KIF13B: variants seen among roughly 807,000 people sequenced by gnomAD.
KIF13B encodes the protein kinesin-like protein KIF13B.
A neutral mutation model predicts 222.0 loss-of-function variants in KIF13B; 127 were observed. The ratio of observed to expected loss-of-function variants is 0.57; its 90% CI spans 0.50 to 0.66. KIF13B has a LOEUF of 0.66. KIF13B is among the 30% of genes least tolerant of loss of function. The pLI, the probability that KIF13B is intolerant of heterozygous loss-of-function variation, is 0.00. For synonymous variants in KIF13B, 976 were observed against 919.0 expected, an observed-to-expected ratio of 1.06 and a Z score of -1.12; for missense variants, 2,173 against 2,379.0, an observed-to-expected ratio of 0.91 and a Z score of 1.80.
In KIF13B at chr8:29,184,824, T is replaced by C. The variant is rs867957109; in HGVS notation, c.497+1468A>G. ...GGGCTGGATCTCAGAAAAGTGATGA[T>C]CTTTGCGAGGTCAAAGTCCAAGAAA... On this transcript the variant is annotated intron_variant, in intron 6 of 39. Coordinates refer to ENST00000524189, the MANE Select transcript of KIF13B (RefSeq NM_015254.4). Among the ~76,000 whole-genome samples the C allele has an allele frequency of 3.2e-4, 49 of 152,172 alleles. 1 individual carries two copies. The Middle Eastern group carries it at 0.031, about 95-fold the overall frequency.
chr8:29,081,690 T>C (rs761095513), intron 37 of KIF13B, among the ~76,000 whole-genome samples: 29 of 152,354 alleles, frequency 1.9e-4, no homozygotes, highest in Non-Finnish European at 3.7e-4. Flanking sequence ...ATCTGACCTG[T>C]ATTCTTTTTA....
At chr8:29,177,688 G>A (rs1294122572) in intron 8 of KIF13B, 110 bp from the exon 9 acceptor site, 4 of 749,674 alleles carry the variant, frequency 5.3e-6, no homozygotes, top group Non-Finnish European at 9.5e-6. Flanking sequence ...GATCACCTGA[G>A]CCCAGGATTT....
chr8:29,157,676 G>A (rs1475029308), intron 13 of KIF13B, among the ~76,000 whole-genome samples: 1 of 151,884 alleles, frequency 6.6e-6, no homozygotes, highest in Non-Finnish European at 1.5e-5. Context: ...CTGCACTCCA[G>A]CCTGGGCGAA....
At chr8:29,215,266 A>G (rs1348247965) in intron 2 of KIF13B, among the ~76,000 whole-genome samples, 1 of 152,152 alleles carries the variant, frequency 6.6e-6, no homozygotes, top group Non-Finnish European at 1.5e-5. Flanking sequence ...TACCTAACAA[A>G]CAAGCAAAAT....
chr8:29,203,998 G>C (rs1348746957), intron 2 of KIF13B, among the ~76,000 whole-genome samples: 1 of 151,962 alleles, frequency 6.6e-6, no homozygotes, highest in Non-Finnish European at 1.5e-5. Context: ...CCTAGAAAAG[G>C]AAGGTTGTTT....
intron 36 of KIF13B, 76 bp from the exon 37 acceptor site, chr8:29,092,954 C>A: frequency 7.7e-7 from 1 of 1,295,840 alleles, no homozygotes; most frequent in Non-Finnish European, 1.0e-6. Flanking sequence ...ATTTGACAGA[C>A]ATCACTTGTC....
Position 29,071,915 on chromosome 8 carries a change from C to A in KIF13B, c.4923G>T (p.Ala1641=). The change falls in exon 39 of 40, where the codon GCG becomes GCT. Residue 1641 remains alanine, a synonymous_variant. Coordinates refer to ENST00000524189, the MANE Select transcript of KIF13B (RefSeq NM_015254.4). This position sits in a 1 kb window ranked among gnomAD's most constrained non-coding sequence, Gnocchi z 4.9. ...TCCGGACGCGGAACGGGGAGCCGGG[C>A]GCCGGGGCCTCGAGGTCGGGGCGCT... ...GRERPDLEAP[A]PGSPFRVRRV... is the part of the protein sequence containing the mutation. 2 of 1,443,754 alleles carry A rather than the reference C, an allele frequency of 1.4e-6. No individual in the cohort carries two copies. Among genetic ancestry groups the A allele is most frequent in the Admixed American group, 3.2e-5 (1 of 30,984 alleles). 89.4% of individuals were successfully genotyped at this position (1,443,754 alleles called of 1,614,324 possible). A position where few individuals can be genotyped will look rare whatever the true frequency, so the allele number is the denominator to read the frequency against.
chr8:29,183,023 T>C (rs1288963951), intron 6 of KIF13B, among the ~76,000 whole-genome samples: 1 of 152,116 alleles, frequency 6.6e-6, no homozygotes, highest in African/African-American at 2.4e-5. Context: ...AAAATCAAAT[T>C]ATAAAAAAGA....
At chr8:29,181,295 C>T (rs1431482904) in intron 7 of KIF13B, among the ~76,000 whole-genome samples, 1 of 152,158 alleles carries the variant, frequency 6.6e-6, no homozygotes, top group Non-Finnish European at 1.5e-5. Context: ...AGTCTACCTC[C>T]ATATTTCTTT....
At chr8:29,226,752 AAAT>A (rs1815044563) in intron 2 of KIF13B, among the ~76,000 whole-genome samples, 1 of 152,194 alleles carries the variant, frequency 6.6e-6, no homozygotes, top group Non-Finnish European at 1.5e-5. Context: ...TCCATATTTT[AAAT>A]TTTCACTTTC....
chr8:29,071,965 G>T lies in KIF13B; in HGVS notation c.4873C>A (p.Gln1625Lys). The change falls in exon 39 of 40, where the codon CAG becomes AAG. Residue 1625 changes from glutamine to lysine, a missense_variant. Physicochemically the swap from Gln to Lys is moderately conservative, Grantham distance 53. This residue lies in a region of KIF13B where 693 missense variants were observed against 656.2 expected (regional missense o/e 1.06). Coordinates refer to ENST00000524189, the MANE Select transcript of KIF13B (RefSeq NM_015254.4). The surrounding 1 kb of genome is among the most constrained non-coding windows in gnomAD (Gnocchi z 4.9). ...AVPAEEPPGP[Q>K]QLVSPGRERP... ...TCCCGACCGGGGCTCACGAGCTGCT[G>T]GGGGCCAGGGGGCTCCTCGGCGGGG... The T allele has an allele frequency of 7.6e-7, 1 of 1,324,332 alleles. No homozygotes were observed. The highest frequency in any genetic ancestry group is 9.6e-7 in the Non-Finnish European group (1 of 1,041,404). The allele number at this position is 1,324,332 out of a possible 1,614,324, so 82.0% of individuals were successfully genotyped here.
intron 2 of KIF13B, among the ~76,000 whole-genome samples, chr8:29,227,629 G>A (rs1478882098): frequency 6.6e-6 from 1 of 152,122 alleles, no homozygotes; most frequent in African/African-American, 2.4e-5. Flanking sequence ...ACTGTCAAAG[G>A]GTTCATGACC....
intron 25 of KIF13B, 27 bp downstream of exon 25, chr8:29,127,095 A>T: frequency 1.2e-6 from 2 of 1,605,168 alleles, no homozygotes; most frequent in Non-Finnish European, 1.7e-6. Context: ...GTCTTTCAAG[A>T]AGAACATAAC....
chr8:29,107,276 C>CCAG (rs1235564295), intron 35 of KIF13B, among the ~76,000 whole-genome samples: 1 of 152,090 alleles, frequency 6.6e-6, no homozygotes, highest in Admixed American at 6.6e-5. Context: ...GCCTGTAATC[C>CCAG]CAGCACTTTG....
chr8:29,210,243 T>G (rs1215625553), intron 2 of KIF13B, among the ~76,000 whole-genome samples: 2 of 152,176 alleles, frequency 1.3e-5, no homozygotes, highest in East Asian at 3.9e-4. Flanking sequence ...AGGATTGACA[T>G]TCAGTATACC....
intron 6 of KIF13B, among the ~76,000 whole-genome samples, chr8:29,183,520 G>A (rs750192327): frequency 4.6e-5 from 7 of 152,096 alleles, no homozygotes; most frequent in Non-Finnish European, 1.0e-4. Context: ...AGCTTGCTAC[G>A]CATGCTCCTT....
intron 23 of KIF13B, among the ~76,000 whole-genome samples, chr8:29,131,348 A>G (rs1342282920): frequency 6.6e-6 from 1 of 152,050 alleles, no homozygotes; most frequent in Non-Finnish European, 1.5e-5. Flanking sequence ...AAAAAAAAAA[A>G]AGGAAAAAAA....
chr8:29,107,760 C>T (rs903413519), intron 35 of KIF13B, among the ~76,000 whole-genome samples: 11 of 151,992 alleles, frequency 7.2e-5, no homozygotes, highest in Non-Finnish European at 7.4e-5. Context: ...CGGGGTTTCA[C>T]CGTGTTAGCC....
At chr8:29,232,135 T>C (rs1335015076) in intron 2 of KIF13B, among the ~76,000 whole-genome samples, 1 of 151,920 alleles carries the variant, frequency 6.6e-6, no homozygotes. Flanking sequence ...TGCACACCTG[T>C]AGTCCCAGCT....
Sources: allele counts gnomAD v4.1 joint callset (sites outside exome capture counted in the v4.1 genomes callset), GRCh38; gene constraint gnomAD v4.1.1; regional missense constraint gnomAD v4.1.1; non-coding constraint Gnocchi (gnomAD v3.1); transcripts MANE v1.5; gene names NCBI Gene and HGNC (gene_info 2026-07-23, HGNC 2026-07-21).